TMEM47: variants seen among roughly 807,000 people sequenced by gnomAD.
The protein encoded by TMEM47 is transmembrane protein 47.
Under a neutral mutation model 12.4 loss-of-function variants are expected in TMEM47, and 3 were observed. The observed-to-expected ratio is 0.24, with a 90% confidence interval of 0.11 to 0.63. TMEM47 has a LOEUF of 0.63. Ranked by LOEUF, TMEM47 falls within the 20% of genes least tolerant of loss-of-function variation. The pLI is 0.86. For missense variants in TMEM47, 89 were observed against 143.8 expected, an observed-to-expected ratio of 0.62 and a Z score of 1.95; for synonymous variants, 62 against 63.3, an observed-to-expected ratio of 0.98 and a Z score of 0.10.
intron 1 of TMEM47, among the ~76,000 whole-genome samples, chrX:34,652,172 T>C (rs1184103969): frequency 8.9e-6 from 1 of 112,456 alleles, no homozygotes; most frequent in Admixed American, 9.4e-5. Context: ...TACATTACAA[T>C]TTAGCATAGC....
Position 34,643,675 on chromosome X carries a change from T to C in TMEM47, c.227-4288A>G, listed in dbSNP as rs769820140. ...TATAAATAATATACCAATACTATAG[T>C]GGAACAGTAAACACAAACCAGACCT... On this transcript the variant is annotated intron_variant, in intron 1 of 2. Coordinates refer to ENST00000275954, the MANE Select transcript of TMEM47 (RefSeq NM_031442.4). 1.3e-3 allele frequency among the ~76,000 whole-genome samples: 149 copies of C among 111,743 alleles called. 1 individual carries two copies. The highest frequency in any genetic ancestry group is 2.2e-3 in the Non-Finnish European group (119 of 53,201).
At chrX:34,639,443 A>G in intron 1 of TMEM47, 56 bp from the exon 2 acceptor site, 6 of 1,122,294 alleles carry the variant, frequency 5.3e-6, no homozygotes, top group Non-Finnish European at 7.2e-6. Flanking sequence ...AATCAACAGA[A>G]CTATGTTCAG....
intron 2 of TMEM47, among the ~76,000 whole-genome samples, chrX:34,632,268 C>T (rs1921639917): frequency 8.9e-6 from 1 of 111,817 alleles, no homozygotes; most frequent in South Asian, 3.7e-4. Flanking sequence ...AACAAACTGA[C>T]ATAGTAAAAC....
intron 1 of TMEM47, among the ~76,000 whole-genome samples, chrX:34,653,513 T>G (rs1249956578): frequency 8.9e-6 from 1 of 111,997 alleles, no homozygotes; most frequent in Non-Finnish European, 1.9e-5. Context: ...AATAGCTATG[T>G]ATTTATACAT....
chrX:34,656,593 G>C lies in TMEM47; in HGVS notation c.226+211C>G, dbSNP rs1021171898. ...GGGAAGGGAGAGGGCGTGGGCTGTC[G>C]CTTTAGGTTTGGCGACCAGGGATGG... On this transcript the variant is annotated intron_variant, in intron 1 of 2. Transcript: ENST00000275954. 2.7e-5 allele frequency among the ~76,000 whole-genome samples: 3 copies of C among 111,166 alleles called. No homozygotes were observed. In the Admixed American group the frequency reaches 2.8e-4, roughly 10 times the overall value.
At chrX:34,656,682 C>T in intron 1 of TMEM47, 122 bp downstream of exon 1, 1 of 1,049,470 alleles carries the variant, frequency 9.5e-7, no homozygotes, top group Non-Finnish European at 1.2e-6. Flanking sequence ...AGGGCCTGGA[C>T]GGGGTGGGAC....
intron 1 of TMEM47, among the ~76,000 whole-genome samples, chrX:34,641,558 G>GA (rs1017207169): frequency 8.1e-5 from 9 of 110,573 alleles, no homozygotes; most frequent in Admixed American, 1.9e-4. Flanking sequence ...AGCTCAGTGT[G>GA]AAAAAAAATG....
intron 2 of TMEM47, among the ~76,000 whole-genome samples, chrX:34,634,575 T>A (rs987118595): frequency 8.9e-6 from 1 of 112,171 alleles, no homozygotes; most frequent in Non-Finnish European, 1.9e-5. Flanking sequence ...CACAAGTAAT[T>A]ATAAATCAAT....
In TMEM47 at chrX:34,629,690, T is replaced by C. The variant is rs952198086; in HGVS notation, c.*623A>G. The C allele has an allele frequency of 9.0e-6, 1 of 111,617 alleles. No homozygotes were observed. Among genetic ancestry groups the C allele is most frequent in the Non-Finnish European group, 1.9e-5 (1 of 53,175 alleles). 9.2% of individuals were successfully genotyped at this position (111,617 alleles called of 1,213,427 possible). Reference sequence around the variant, plus strand: ...TTCTAACCACATAATGAGAAGCACATGTCTCCAAGTCTTGACTCTCTTCCC... The same window carrying C: ...TTCTAACCACATAATGAGAAGCACACGTCTCCAAGTCTTGACTCTCTTCCC... On this transcript the variant is annotated 3_prime_UTR_variant, in exon 3 of 3. Coordinates refer to ENST00000275954, the MANE Select transcript of TMEM47 (RefSeq NM_031442.4).
chrX:34,657,047 G>C lies in TMEM47; in HGVS notation c.-18C>G. The stretch of plus-strand genomic sequence containing the variant: ...GAAGCCATTCCTGGGCGCCGCTGTC[G>C]TCCGCCCCGCCGCAGGCGAGGACGC... On this transcript the variant is annotated 5_prime_UTR_variant, in exon 1 of 3. Transcript: ENST00000275954. The C allele has an allele frequency of 1.8e-6, 2 of 1,129,748 alleles. No homozygotes were observed. The allele number at this position is 1,129,748 out of a possible 1,213,427, so 93.1% of individuals were successfully genotyped here.
intron 2 of TMEM47, among the ~76,000 whole-genome samples, chrX:34,630,763 G>C (rs1382853344): frequency 9.1e-6 from 1 of 110,174 alleles, no homozygotes; most frequent in Non-Finnish European, 1.9e-5. Flanking sequence ...TAATTTATAT[G>C]AGCATACAAA....
chrX:34,642,139 G>A (rs1425026186), intron 1 of TMEM47, among the ~76,000 whole-genome samples: 2 of 112,667 alleles, frequency 1.8e-5, no homozygotes, highest in East Asian at 2.8e-4. Flanking sequence ...TTACAGGCGT[G>A]AGCCACTGCA....
At chrX:34,646,029 A>T (rs1156926552) in intron 1 of TMEM47, among the ~76,000 whole-genome samples, 1 of 110,903 alleles carries the variant, frequency 9.0e-6, no homozygotes, top group Non-Finnish European at 1.9e-5. Flanking sequence ...GACATAAATG[A>T]CTCCAGGTAA....
At chrX:34,639,612 T>C (rs1460131841) in intron 1 of TMEM47, among the ~76,000 whole-genome samples, 5 of 111,692 alleles carry the variant, frequency 4.5e-5, no homozygotes, top group Non-Finnish European at 9.4e-5. Flanking sequence ...AGGGGTTTGC[T>C]AGGATTTTCT....
At position 34,639,338 on chromosome X, in the gene TMEM47, A is replaced by C. The variant is rs1921773416; in HGVS notation, c.276T>G (p.Ile92Met). The change falls in exon 2 of 3, where the codon ATT (isoleucine) becomes ATG (methionine). Residue 92 changes from isoleucine to methionine, a missense_variant. Coordinates refer to ENST00000275954, the MANE Select transcript of TMEM47 (RefSeq NM_031442.4). Reference sequence around the variant, plus strand: ...TCAAACCCACCAGGAATGCAATGAGAATGATGGCAGCGCCGCCCAGGAGTA... The same window carrying C: ...TCAAACCCACCAGGAATGCAATGAGCATGATGGCAGCGCCGCCCAGGAGTA... ...LALLLGGAAI[I>M]LIAFLVGLIS... 1 of 1,206,746 alleles carries C rather than the reference A, an allele frequency of 8.3e-7. No homozygotes were observed. The highest frequency in any genetic ancestry group is 1.8e-5 in the African/African-American group (1 of 56,947).
rs1213271095 is a variant in TMEM47, at chrX:34,628,125, T to C, written c.*2188A>G. ...GATATTGGTTTAACAGTACACTGCA[T>C]CCTCTACTAGGACCAAGAGAAGTGC... On this transcript the variant is annotated 3_prime_UTR_variant, in exon 3 of 3. Transcript: ENST00000275954. 1 of 111,903 alleles carries C rather than the reference T, an allele frequency of 8.9e-6. No homozygotes were observed. 9.2% of individuals were successfully genotyped at this position (111,903 alleles called of 1,213,427 possible).
intron 1 of TMEM47, among the ~76,000 whole-genome samples, chrX:34,647,486 T>C (rs946760071): frequency 2.7e-5 from 3 of 111,612 alleles, no homozygotes; most frequent in Non-Finnish European, 3.8e-5. Flanking sequence ...TATAGATATT[T>C]TTTCTCACTT....
rs1921595147 is a variant in TMEM47 at position 34,630,456 on chromosome X, T to C, written c.403A>G (p.Ile135Val). 6.6e-6 allele frequency: 8 copies of C among 1,209,776 alleles called. No homozygotes were observed. The highest frequency in any genetic ancestry group is 7.8e-6 in the Non-Finnish European group (7 of 894,452). ...LQVCSLVLYP[I>V]KFIETVSLKI... The stretch of plus-strand genomic sequence containing the variant: ...AAGCTCACAGTTTCAATGAACTTGA[T>C]TGGGTAAAGGACCAGGCTGCAAACC... Residue 135 changes from isoleucine (I) to valine (V), a missense_variant, in exon 3 of 3, where the codon ATC (isoleucine) becomes GTC (valine). Coordinates refer to ENST00000275954, the MANE Select transcript of TMEM47 (RefSeq NM_031442.4).
At position 34,630,245 on chromosome X, in the gene TMEM47, TAGAAA is replaced by T. The variant is rs1921589292; in HGVS notation, c.*63_*67del. ...ACAAGTGTTTTAGAAAATAGTAAGT[TAGAAA>T]AGATGCAGACGTAATCCTTTTGTTG... is the stretch of plus-strand genomic sequence containing the variant. On this transcript the variant is annotated 3_prime_UTR_variant, in exon 3 of 3. Transcript: ENST00000275954. 3.9e-6 allele frequency: 4 copies of T among 1,014,101 alleles called. No homozygotes were observed. The highest frequency in any genetic ancestry group is 5.5e-4 in the Middle Eastern group (2 of 3,661). 83.6% of individuals were successfully genotyped at this position (1,014,101 alleles called of 1,213,427 possible).
Sources: allele counts gnomAD v4.1 joint callset (sites outside exome capture counted in the v4.1 genomes callset), GRCh38; gene constraint gnomAD v4.1.1; transcripts MANE v1.5; gene names NCBI Gene and HGNC (gene_info 2026-07-23, HGNC 2026-07-21).